CSMD1: variants seen among roughly 807,000 people sequenced by gnomAD.
CSMD1 encodes the protein CUB and sushi domain-containing protein 1.
Under a neutral mutation model 417.5 loss-of-function variants are expected in CSMD1, and 213 were observed. The observed-to-expected ratio is 0.51, with a 90% confidence interval of 0.46 to 0.57. The LOEUF (loss-of-function observed/expected upper bound fraction) is 0.57, where lower values mean the gene tolerates loss of function less well. Among genes scored for constraint, CSMD1 ranks in the 20% least tolerant of loss-of-function variants. CSMD1 has a pLI of 0.00. For synonymous variants in CSMD1, 2,862 were observed against 1,736.8 expected (o/e 1.65, Z -16.11); for missense variants, 6,923 against 4,529.7 (o/e 1.53, Z -15.17).
intron 2 of CSMD1, among the ~76,000 whole-genome samples, chr8:4,554,975 C>T (rs574525498): frequency 2.6e-5 from 4 of 152,284 alleles, no homozygotes; most frequent in Middle Eastern, 3.4e-3. Flanking sequence ...GAGGGGCCAC[C>T]AGGGCCCCTG....
At chr8:4,305,375 G>A (rs188145482) in intron 3 of CSMD1, among the ~76,000 whole-genome samples, 1 of 152,250 alleles carries the variant, frequency 6.6e-6, no homozygotes, top group African/African-American at 2.4e-5. Flanking sequence ...GGCTTGCAGG[G>A]ATAGAGCAAG....
intron 18 of CSMD1, among the ~76,000 whole-genome samples, chr8:3,385,006 T>C (rs572298611): frequency 0.043 from 2,672 of 62,004 alleles, 130 homozygotes; most frequent in South Asian, 0.33. Flanking sequence ...GCTATTTATA[T>C]ATAAATATAT....
intron 5 of CSMD1, among the ~76,000 whole-genome samples, chr8:3,921,326 T>C (rs1405252296): frequency 6.6e-6 from 1 of 152,084 alleles, no homozygotes; most frequent in Non-Finnish European, 1.5e-5. Flanking sequence ...TTTATCATTT[T>C]TGTCTATCCT....
At chr8:4,022,175 T>C (rs1307068642) in intron 4 of CSMD1, among the ~76,000 whole-genome samples, 3 of 106,418 alleles carry the variant, frequency 2.8e-5, no homozygotes, top group African/African-American at 1.1e-4. Context: ...TATATATGTA[T>C]ATTTATGTGT....
At chr8:3,171,012 A>G (rs1457369904) in intron 37 of CSMD1, among the ~76,000 whole-genome samples, 1 of 152,206 alleles carries the variant, frequency 6.6e-6, no homozygotes, top group East Asian at 1.9e-4. Flanking sequence ...GCTCAAAGTG[A>G]CATTTTGGAA....
intron 18 of CSMD1, among the ~76,000 whole-genome samples, chr8:3,377,003 T>A (rs942467103): frequency 6.6e-6 from 1 of 152,164 alleles, no homozygotes; most frequent in African/African-American, 2.4e-5. Context: ...AATTTGTAGA[T>A]TTAGTAATAG....
intron 1 of CSMD1, among the ~76,000 whole-genome samples, chr8:4,886,795 A>G (rs1334266192): frequency 6.6e-6 from 1 of 152,062 alleles, no homozygotes; most frequent in African/African-American, 2.4e-5. Context: ...ATTTATTCTT[A>G]AAATATTTTT....
chr8:4,920,120 T>C (rs950255022), intron 1 of CSMD1, among the ~76,000 whole-genome samples: 6 of 152,184 alleles, frequency 3.9e-5, no homozygotes, highest in Non-Finnish European at 7.4e-5. Context: ...CAAGGTAGGT[T>C]ATCATGAAAA....
At chr8:4,397,521 CTCTTTT>C (rs1243796379) in intron 3 of CSMD1, among the ~76,000 whole-genome samples, 7 of 120,142 alleles carry the variant, frequency 5.8e-5, no homozygotes, top group Non-Finnish European at 1.7e-5. Flanking sequence ...AAGCCTGAGA[CTCTTTT>C]TTTTTTTTTT....
At chr8:4,469,018 TCAAA>T (rs1472137335) in intron 2 of CSMD1, among the ~76,000 whole-genome samples, 3 of 152,176 alleles carry the variant, frequency 2.0e-5, no homozygotes, top group Non-Finnish European at 4.4e-5. Context: ...GAAAAAAAGT[TCAAA>T]AGACAATGCT....
chr8:4,596,691 A>G (rs1585307122), intron 2 of CSMD1, among the ~76,000 whole-genome samples: 1 of 152,214 alleles, frequency 6.6e-6, no homozygotes, highest in African/African-American at 2.4e-5. Flanking sequence ...GTCTAACTTC[A>G]GTTCATTCAA....
chr8:4,280,509 T>A lies in CSMD1; in HGVS notation c.415+139444A>T, dbSNP rs549726624. Among the ~76,000 whole-genome samples, 359 of 152,302 alleles carry A rather than the reference T, an allele frequency of 2.4e-3. 2 individuals carry two copies. The highest frequency in any genetic ancestry group is 8.3e-3 in the African/African-American group (343 of 41,568). Reference sequence around the variant, plus strand: ...TCCACATTTCACAGAAAAATTAAAATATACAAGCAAATTGTTTACAGTGCC... The same window carrying A: ...TCCACATTTCACAGAAAAATTAAAAAATACAAGCAAATTGTTTACAGTGCC... On this transcript the variant is annotated intron_variant, in intron 3 of 69. Coordinates refer to ENST00000635120, the MANE Select transcript of CSMD1 (RefSeq NM_033225.6).
chr8:4,061,034 A>T (rs1363424737), intron 3 of CSMD1, among the ~76,000 whole-genome samples: 1 of 149,212 alleles, frequency 6.7e-6, no homozygotes, highest in Admixed American at 6.8e-5. Flanking sequence ...ACCCATTGTG[A>T]TTAATTTATG....
chr8:4,679,554 A>G (rs959755016), intron 1 of CSMD1, among the ~76,000 whole-genome samples: 3 of 152,194 alleles, frequency 2.0e-5, no homozygotes, highest in Non-Finnish European at 4.4e-5. Flanking sequence ...TGAGGAGCAC[A>G]GATAATTTTT....
intron 3 of CSMD1, among the ~76,000 whole-genome samples, chr8:4,316,501 T>A (rs966429066): frequency 3.9e-5 from 6 of 152,140 alleles, no homozygotes; most frequent in Admixed American, 2.0e-4. Context: ...CACCAACCTA[T>A]ACAAATAGAA....
At chr8:4,246,467 T>C (rs545404569) in intron 3 of CSMD1, among the ~76,000 whole-genome samples, 9 of 152,270 alleles carry the variant, frequency 5.9e-5, no homozygotes, top group East Asian at 3.9e-4. Flanking sequence ...CAATTATCAA[T>C]TGGTCTTGTT....
chr8:4,384,409 A>G (rs923794346), intron 3 of CSMD1, among the ~76,000 whole-genome samples: 1 of 152,212 alleles, frequency 6.6e-6, no homozygotes, highest in Non-Finnish European at 1.5e-5. Flanking sequence ...TGGAAAATAT[A>G]CAACAAAGGA....
intron 12 of CSMD1, among the ~76,000 whole-genome samples, chr8:3,426,623 C>G (rs1813858986): frequency 6.6e-6 from 1 of 152,204 alleles, no homozygotes; most frequent in South Asian, 2.1e-4. Context: ...GACACTGCCA[C>G]TTTCAAGGTG....
intron 5 of CSMD1, among the ~76,000 whole-genome samples, chr8:3,801,173 G>C (rs76141254): frequency 0.015 from 2,292 of 151,584 alleles, 62 homozygotes; most frequent in African/African-American, 0.051. Context: ...AGAAAAGATA[G>C]TCCACATAAT....
Sources: gnomAD v4.1 joint callset for allele counts (sites outside exome capture counted in the v4.1 genomes callset) on GRCh38, gnomAD v4.1.1 for gene constraint, MANE v1.5 for transcripts, NCBI Gene and HGNC (gene_info 2026-07-23, HGNC 2026-07-21) for gene names.